The following CSMD1 variants were observed in gnomAD, a reference collection of about 807,000 sequenced individuals.
CSMD1 encodes the protein CUB and sushi domain-containing protein 1.
In CSMD1, 213 loss-of-function variants were observed where a neutral mutation model predicts 417.5. The ratio of observed to expected loss-of-function variants is 0.51; its 90% confidence interval spans 0.46 to 0.57. The LOEUF is 0.57. Among genes scored for constraint, CSMD1 ranks in the 20% least tolerant of loss-of-function variants. The probability of loss-of-function intolerance (pLI) is 0.00; values close to 1 mark genes in which losing one functional copy is unlikely to be tolerated. For synonymous variants in CSMD1, 2,862 were observed against 1,736.8 expected (o/e 1.65, Z -16.11); for missense variants, 6,923 against 4,529.7 (o/e 1.53, Z -15.17).
intron 2 of CSMD1, among the ~76,000 whole-genome samples, chr8:4,531,768 G>T (rs1271979788): frequency 2.6e-5 from 4 of 152,152 alleles, no homozygotes; most frequent in Non-Finnish European, 5.9e-5. Flanking sequence ...ATACAATCTG[G>T]TGCTTTTTAG....
chr8:3,715,793 C>G (rs1401754707), intron 6 of CSMD1, among the ~76,000 whole-genome samples: 4 of 152,250 alleles, frequency 2.6e-5, no homozygotes, highest in Non-Finnish European at 4.4e-5. Flanking sequence ...TCCTCCCGCC[C>G]TGGCCTCCCA....
chr8:4,684,033 T>A (rs764057578), intron 1 of CSMD1, among the ~76,000 whole-genome samples: 10 of 152,236 alleles, frequency 6.6e-5, no homozygotes, highest in Non-Finnish European at 1.2e-4. Context: ...TACATCAGTA[T>A]GATGGCATTT....
intron 5 of CSMD1, among the ~76,000 whole-genome samples, chr8:3,834,051 T>G (rs1802525736): frequency 6.6e-6 from 1 of 152,162 alleles, no homozygotes; most frequent in Non-Finnish European, 1.5e-5. Context: ...TAATGTAAAG[T>G]TTGGTCACTA....
At chr8:3,928,533 G>A (rs940170177) in intron 5 of CSMD1, among the ~76,000 whole-genome samples, 2 of 135,908 alleles carry the variant, frequency 1.5e-5, no homozygotes, top group Non-Finnish European at 3.3e-5. Flanking sequence ...AGGTTTCACG[G>A]CCGTTTGTAG....
intron 25 of CSMD1, 93 bp from the exon 26 acceptor site, chr8:3,284,439 A>C: frequency 1.1e-6 from 1 of 887,088 alleles, no homozygotes; most frequent in Non-Finnish European, 1.8e-6. Context: ...TCGCTTTCAC[A>C]CAACCCCCAC....
intron 2 of CSMD1, among the ~76,000 whole-genome samples, chr8:4,617,619 A>T (rs903305146): frequency 2.6e-5 from 4 of 152,192 alleles, no homozygotes; most frequent in Non-Finnish European, 5.9e-5. Context: ...AAGTAAGCTC[A>T]CTGGAAATAC....
chr8:3,760,786 A>T (rs1797951659), intron 5 of CSMD1, among the ~76,000 whole-genome samples: 1 of 152,304 alleles, frequency 6.6e-6, no homozygotes, highest in Admixed American at 6.5e-5. Context: ...GTCCCTCTGC[A>T]GTTAAGTCTC....
Position 4,757,862 on chromosome 8 carries a change from G to C in CSMD1, c.86-120304C>G, listed in dbSNP as rs79432482. Among the ~76,000 whole-genome samples the C allele has an allele frequency of 7.0e-3, 1,061 of 151,314 alleles. 12 individuals are homozygous for C. The highest frequency in any genetic ancestry group is 0.025 in the African/African-American group (1,028 of 41,170). The stretch of plus-strand genomic sequence containing the variant: ...TAATCCCAGCTACTGGGGAAGCTGA[G>C]GCAGAAGAATCGCTTGAACCTGGGA... On this transcript the variant is annotated intron_variant, in intron 1 of 69. Transcript: ENST00000635120.
At chr8:4,326,404 TA>T (rs1799565601) in intron 3 of CSMD1, among the ~76,000 whole-genome samples, 1 of 151,882 alleles carries the variant, frequency 6.6e-6, no homozygotes. Context: ...TCAGCGCAGA[TA>T]AAAAGATGGG....
At chr8:4,685,973 C>T (rs1441074951) in intron 1 of CSMD1, among the ~76,000 whole-genome samples, 3 of 152,190 alleles carry the variant, frequency 2.0e-5, no homozygotes, top group South Asian at 2.1e-4. Flanking sequence ...CAAATAAAAA[C>T]GGCAAAGACT....
At chr8:4,297,649 G>C (rs1176922057) in intron 3 of CSMD1, among the ~76,000 whole-genome samples, 2 of 152,262 alleles carry the variant, frequency 1.3e-5, no homozygotes, top group South Asian at 4.1e-4. Context: ...GTTCACACTA[G>C]GGTTTGGATT....
intron 3 of CSMD1, among the ~76,000 whole-genome samples, chr8:4,382,321 G>A (rs1803154876): frequency 6.6e-6 from 1 of 152,174 alleles, no homozygotes; most frequent in Admixed American, 6.5e-5. Context: ...AGTTATATGT[G>A]CACTTTCTCA....
At chr8:3,118,220 T>C (rs150375514) in intron 42 of CSMD1, among the ~76,000 whole-genome samples, 179 bp downstream of exon 42, 5 of 152,350 alleles carry the variant, frequency 3.3e-5, no homozygotes, top group African/African-American at 1.2e-4. Flanking sequence ...TCTTTACTTC[T>C]AACTTAACAG....
intron 6 of CSMD1, among the ~76,000 whole-genome samples, chr8:3,715,119 G>A (rs537998459): frequency 6.6e-6 from 1 of 152,160 alleles, no homozygotes; most frequent in African/African-American, 2.4e-5. Flanking sequence ...CTGAGGAAGA[G>A]TCATCGAAAT....
At chr8:3,394,066 A>C (rs1426643262) in intron 17 of CSMD1, among the ~76,000 whole-genome samples, 1 of 137,424 alleles carries the variant, frequency 7.3e-6, no homozygotes, top group East Asian at 2.1e-4. Flanking sequence ...AGAAAAAAAG[A>C]AAAATGGCAA....
chr8:3,295,063 A>G (rs1189162212), intron 25 of CSMD1, among the ~76,000 whole-genome samples: 2 of 152,202 alleles, frequency 1.3e-5, no homozygotes, highest in Non-Finnish European at 2.9e-5. Context: ...GAGTAGTTAC[A>G]TATTAAATAT....
At chr8:4,457,483 T>C (rs1346666489) in intron 2 of CSMD1, among the ~76,000 whole-genome samples, 1 of 152,052 alleles carries the variant, frequency 6.6e-6, no homozygotes, top group Non-Finnish European at 1.5e-5. Flanking sequence ...AGATTACCTG[T>C]AGTTTTCTAT....
At chr8:3,801,489 G>A (rs1800458348) in intron 5 of CSMD1, among the ~76,000 whole-genome samples, 1 of 152,162 alleles carries the variant, frequency 6.6e-6, no homozygotes, top group South Asian at 2.1e-4. Flanking sequence ...TGGCAAGGAT[G>A]TAGAGAATTG....
intron 26 of CSMD1, among the ~76,000 whole-genome samples, chr8:3,262,210 T>TGA (rs1801128222): frequency 1.0e-5 from 1 of 99,146 alleles, no homozygotes; most frequent in Non-Finnish European, 2.3e-5. Context: ...TATATATATA[T>TGA]ATATATATAT....
Sources: allele counts gnomAD v4.1 joint callset (sites outside exome capture counted in the v4.1 genomes callset), GRCh38; gene constraint gnomAD v4.1.1; transcripts MANE v1.5; gene names NCBI Gene and HGNC (gene_info 2026-07-23, HGNC 2026-07-21).